The following NXPH1 variants were observed in gnomAD, a reference collection of about 807,000 sequenced individuals.
NXPH1 encodes the protein neurexophilin-1.
A neutral mutation model predicts 23.7 loss-of-function variants in NXPH1; 5 were observed. The ratio of observed to expected loss-of-function variants is 0.21; its 90% CI spans 0.11 to 0.44. The LOEUF (loss-of-function observed/expected upper bound fraction) is 0.44, where lower values mean the gene tolerates loss of function less well. Ranked by LOEUF, NXPH1 falls within the 20% of genes least tolerant of loss-of-function variation. The pLI is 0.99. For missense variants in NXPH1, 324 were observed against 321.6 expected, an observed-to-expected ratio of 1.01 and a Z score of -0.06; for synonymous variants, 144 against 122.2, an observed-to-expected ratio of 1.18 and a Z score of -1.18.
intron 2 of NXPH1, among the ~76,000 whole-genome samples, chr7:8,525,498 A>C (rs1365372947): frequency 6.6e-6 from 1 of 152,210 alleles, no homozygotes; most frequent in African/African-American, 2.4e-5. Flanking sequence ...TTAATCCCCA[A>C]GACCATGGGG....
chr7:8,526,481 A>G (rs528952634), intron 2 of NXPH1, among the ~76,000 whole-genome samples: 2 of 152,150 alleles, frequency 1.3e-5, no homozygotes, highest in South Asian at 4.2e-4. Flanking sequence ...AAATGTGAGG[A>G]TAAGAGATTT....
chr7:8,680,896 A>G (rs1174018061), intron 2 of NXPH1, among the ~76,000 whole-genome samples: 2 of 152,260 alleles, frequency 1.3e-5, no homozygotes, highest in African/African-American at 4.8e-5. Flanking sequence ...TTAGTGCTGG[A>G]AAAGGATCAC....
At chr7:8,744,269 A>G (rs1780431021) in intron 2 of NXPH1, among the ~76,000 whole-genome samples, 1 of 152,230 alleles carries the variant, frequency 6.6e-6, no homozygotes, top group East Asian at 1.9e-4. Flanking sequence ...GTATCATTGA[A>G]CTAGAGAGCC....
intron 2 of NXPH1, among the ~76,000 whole-genome samples, chr7:8,651,207 T>A (rs1464585595): frequency 1.0e-5 from 1 of 97,040 alleles, no homozygotes; most frequent in Non-Finnish European, 2.2e-5. Context: ...CACCTATGAG[T>A]GAGAATATGC....
At chr7:8,730,078 C>A (rs554728462) in intron 2 of NXPH1, among the ~76,000 whole-genome samples, 3 of 152,016 alleles carry the variant, frequency 2.0e-5, no homozygotes, top group South Asian at 4.2e-4. Flanking sequence ...TGAATTGATC[C>A]CTTTACCATT....
intron 2 of NXPH1, among the ~76,000 whole-genome samples, chr7:8,744,343 T>G (rs73052266): frequency 2.0e-5 from 3 of 152,288 alleles, no homozygotes; most frequent in Non-Finnish European, 4.4e-5. Context: ...GAAGTATATT[T>G]GGTGTTTTCA....
intron 2 of NXPH1, among the ~76,000 whole-genome samples, chr7:8,653,939 T>C (rs1820530721): frequency 6.6e-6 from 1 of 152,236 alleles, no homozygotes; most frequent in Non-Finnish European, 1.5e-5. Context: ...AGATTAAAAG[T>C]GGCACTATTA....
At chr7:8,730,519 C>G (rs1052894737) in intron 2 of NXPH1, among the ~76,000 whole-genome samples, 1 of 151,926 alleles carries the variant, frequency 6.6e-6, no homozygotes, top group Non-Finnish European at 1.5e-5. Context: ...TTCAGGAGCT[C>G]TTTTAGGGCA....
chr7:8,590,129 A>T (rs550591006), intron 2 of NXPH1, among the ~76,000 whole-genome samples: 1 of 152,062 alleles, frequency 6.6e-6, no homozygotes, highest in South Asian at 2.1e-4. Context: ...TAGTTATTGG[A>T]GGTTGACTAT....
intron 2 of NXPH1, among the ~76,000 whole-genome samples, chr7:8,515,656 T>C (rs1448728319): frequency 6.6e-6 from 1 of 152,136 alleles, no homozygotes; most frequent in Non-Finnish European, 1.5e-5. Flanking sequence ...TACCATGGTG[T>C]TCTAAAGGGC....
chr7:8,662,038 A>T (rs1050456982), intron 2 of NXPH1, among the ~76,000 whole-genome samples: 3 of 152,058 alleles, frequency 2.0e-5, no homozygotes, highest in Non-Finnish European at 4.4e-5. Flanking sequence ...GTAAGTTAAA[A>T]TATAAAGACT....
chr7:8,599,686 C>T (rs967630459), intron 2 of NXPH1, among the ~76,000 whole-genome samples: 6 of 152,058 alleles, frequency 3.9e-5, no homozygotes, highest in African/African-American at 1.4e-4. Flanking sequence ...CACTCAAGAC[C>T]TGGTTTATTG....
intron 2 of NXPH1, among the ~76,000 whole-genome samples, chr7:8,560,555 G>C (rs1208660774): frequency 6.6e-6 from 1 of 151,688 alleles, no homozygotes; most frequent in Non-Finnish European, 1.5e-5. Flanking sequence ...CCTTTCTGCA[G>C]TGTGTAAGTT....
At chr7:8,496,767 A>G (rs1391942066) in intron 2 of NXPH1, among the ~76,000 whole-genome samples, 1 of 152,126 alleles carries the variant, frequency 6.6e-6, no homozygotes, top group African/African-American at 2.4e-5. Flanking sequence ...TCAATGTCTC[A>G]CAAGAGAAAA....
At chr7:8,700,860 C>G (rs966056979) in intron 2 of NXPH1, among the ~76,000 whole-genome samples, 2 of 152,018 alleles carry the variant, frequency 1.3e-5, no homozygotes, top group African/African-American at 4.8e-5. Flanking sequence ...ATCTAGTCCA[C>G]TGCTTGTTTT....
intron 2 of NXPH1, among the ~76,000 whole-genome samples, chr7:8,643,755 G>T (rs1820353778): frequency 1.3e-5 from 2 of 151,902 alleles, no homozygotes; most frequent in South Asian, 4.2e-4. Context: ...TTTGCATAGA[G>T]GTTTATTAGA....
intron 2 of NXPH1, among the ~76,000 whole-genome samples, chr7:8,745,435 T>TG (rs1780450444): frequency 1.3e-4 from 2 of 15,006 alleles, no homozygotes; most frequent in African/African-American, 3.1e-4. Context: ...GGTGGATACC[T>TG]GGGGGGTGGG....
chr7:8,645,729 G>A (rs908079889), intron 2 of NXPH1, among the ~76,000 whole-genome samples: 1 of 151,838 alleles, frequency 6.6e-6, no homozygotes, highest in African/African-American at 2.4e-5. Flanking sequence ...CCTTATATTC[G>A]AGTGATCCAT....
intron 2 of NXPH1, among the ~76,000 whole-genome samples, chr7:8,748,632 C>T (rs1780512134): frequency 6.6e-6 from 1 of 152,172 alleles, no homozygotes; most frequent in Non-Finnish European, 1.5e-5. Flanking sequence ...TGCATCTTTC[C>T]ATGAGGGCAT....
Sources: gnomAD v4.1 joint callset for allele counts (sites outside exome capture counted in the v4.1 genomes callset) on GRCh38, gnomAD v4.1.1 for gene constraint, MANE v1.5 for transcripts, NCBI Gene and HGNC (gene_info 2026-07-23, HGNC 2026-07-21) for gene names.